The following PAN3 variants were observed in gnomAD, a reference collection of about 807,000 sequenced individuals.
The protein encoded by PAN3 is PAN2-PAN3 deadenylation complex subunit PAN3.
In PAN3, 19 loss-of-function variants were observed where a neutral mutation model predicts 96.2. The ratio of observed to expected loss-of-function variants is 0.20; its 90% CI spans 0.14 to 0.29. The LOEUF is 0.29. Among genes scored for constraint, PAN3 ranks in the 10% least tolerant of loss-of-function variants. The pLI is 1.00. For synonymous variants in PAN3, 433 were observed against 406.6 expected, an observed-to-expected ratio of 1.06 and a Z score of -0.78; for missense variants, 882 against 1,108.1, an observed-to-expected ratio of 0.80 and a Z score of 2.90.
chr13:28,246,927 T>C (rs1884249164), intron 6 of PAN3, among the ~76,000 whole-genome samples: 1 of 152,216 alleles, frequency 6.6e-6, no homozygotes, highest in Non-Finnish European at 1.5e-5. Context: ...CTTTTCTTTG[T>C]ATAAACCCAG....
chr13:28,219,838 A>T (rs1055892419), intron 5 of PAN3, among the ~76,000 whole-genome samples: 6 of 152,240 alleles, frequency 3.9e-5, no homozygotes, highest in African/African-American at 1.4e-4. Flanking sequence ...TTAATTTTGG[A>T]AGAAAGGCAG....
intron 5 of PAN3, among the ~76,000 whole-genome samples, chr13:28,203,756 C>T (rs17086376): frequency 0.015 from 2,250 of 151,338 alleles, 31 homozygotes; most frequent in Middle Eastern, 0.038. Flanking sequence ...TTAATTACCT[C>T]TTGACAGTGT....
chr13:28,214,792 C>T (rs1174011506), intron 5 of PAN3: 22 of 607,938 alleles, frequency 3.6e-5, no homozygotes, highest in South Asian at 3.5e-4. Flanking sequence ...ATTGATGCCC[C>T]AGGACACAGA....
chr13:28,254,933 T>G (rs924242283), intron 6 of PAN3, among the ~76,000 whole-genome samples: 2 of 152,110 alleles, frequency 1.3e-5, no homozygotes, highest in Admixed American at 6.5e-5. Flanking sequence ...CCTACCTACT[T>G]TAGTTGCTCA....
intron 6 of PAN3, among the ~76,000 whole-genome samples, chr13:28,229,626 G>A (rs945678162): frequency 4.6e-5 from 7 of 152,150 alleles, no homozygotes; most frequent in Non-Finnish European, 1.0e-4. Flanking sequence ...TCTTTCTCTT[G>A]CTTCTGAGTC....
In PAN3 at chr13:28,177,898, A is replaced by T; in HGVS notation, c.653A>T (p.Asn218Ile). Residue 218 changes from asparagine to isoleucine, a missense_variant, in exon 4 of 19, where the codon AAT becomes ATT. Transcript: ENST00000380958. ...ACATCACCTGCTTCATCCTTGTTTA[A>T]TGACTTTGGTGCCCTCAACATCTCT... ...PLTSPASSLF[N>I]DFGALNISQR... 1 of 1,613,266 alleles carries T rather than the reference A, an allele frequency of 6.2e-7. No individual in the cohort carries two copies. Among genetic ancestry groups the T allele is most frequent in the Admixed American group, 1.7e-5 (1 of 59,968 alleles).
At chr13:28,144,976 C>G (rs550694971) in intron 1 of PAN3, among the ~76,000 whole-genome samples, 1 of 152,098 alleles carries the variant, frequency 6.6e-6, no homozygotes, top group Admixed American at 6.5e-5. Context: ...CCTCAGCCTC[C>G]GAAAGCGCTG....
At chr13:28,281,577 A>G (rs1308892016) in intron 17 of PAN3, among the ~76,000 whole-genome samples, 198 bp downstream of exon 17, 5 of 152,156 alleles carry the variant, frequency 3.3e-5, no homozygotes. Context: ...ACACACATGT[A>G]TACACACAGA....
At chr13:28,152,809 T>A (rs1169468401) in intron 1 of PAN3, among the ~76,000 whole-genome samples, 2 of 152,182 alleles carry the variant, frequency 1.3e-5, no homozygotes, top group Admixed American at 1.3e-4. Flanking sequence ...TAAAAGTTCC[T>A]AACAAGTGAA....
At chr13:28,214,093 G>GA (rs963706237) in intron 5 of PAN3, among the ~76,000 whole-genome samples, 45 of 148,254 alleles carry the variant, frequency 3.0e-4, no homozygotes, top group Middle Eastern at 3.5e-3. Flanking sequence ...GTCTCCAAAA[G>GA]AAAAAAAAAT....
chr13:28,259,563 C>T (rs948937930), intron 7 of PAN3, among the ~76,000 whole-genome samples: 4 of 151,824 alleles, frequency 2.6e-5, no homozygotes. Context: ...CCATGTTGGC[C>T]AGGCTGGCTC....
chr13:28,215,936 T>C lies in PAN3; in HGVS notation c.853-4295T>C. The C allele has an allele frequency of 1.8e-6, 2 of 1,112,242 alleles. 1 individual carries two copies. Among genetic ancestry groups the C allele is most frequent in the South Asian group, 2.5e-5 (2 of 80,584 alleles). The allele number at this position is 1,112,242 out of a possible 1,614,324, so 68.9% of individuals were successfully genotyped here. A position where few individuals can be genotyped will look rare whatever the true frequency, so the allele number is the denominator to read the frequency against. ...TACCTGCCACTCTAGTCTTAATCAGTGGTGGAAGAATGGTCTCAGGACTGT... is the reference window on the plus strand; with the variant it reads ...TACCTGCCACTCTAGTCTTAATCAGCGGTGGAAGAATGGTCTCAGGACTGT... On this transcript the variant is annotated intron_variant, in intron 5 of 18. Transcript: ENST00000380958.
chr13:28,191,195 T>C (rs557170784), intron 4 of PAN3, among the ~76,000 whole-genome samples: 4 of 152,188 alleles, frequency 2.6e-5, no homozygotes, highest in Non-Finnish European at 5.9e-5. Context: ...TCCCTTAAAA[T>C]TGTGTTTGCC....
chr13:28,294,242 A>G lies in PAN3; in HGVS notation c.*1720A>G, dbSNP rs536259172. On this transcript the variant is annotated 3_prime_UTR_variant, in exon 19 of 19. Transcript: ENST00000380958. ...GGATTTTAAAAGAATATAATGTTCA[A>G]TATTAAAAGGATAATTCACATTTGC... 5.2e-5 allele frequency: 8 copies of G among 152,794 alleles called. No individual in the cohort carries two copies. The highest frequency in any genetic ancestry group is 3.4e-3 in the Middle Eastern group (1 of 294). 9.5% of individuals were successfully genotyped at this position (152,794 alleles called of 1,614,324 possible).
chr13:28,215,161 T>C, intron 5 of PAN3: 1 of 721,422 alleles, frequency 1.4e-6, no homozygotes, highest in Non-Finnish European at 2.6e-6. Context: ...GGATGGAAAG[T>C]CACCCATAAA....
chr13:28,241,437 C>T (rs997046847), intron 6 of PAN3, among the ~76,000 whole-genome samples: 8 of 152,116 alleles, frequency 5.3e-5, no homozygotes, highest in African/African-American at 1.4e-4. Context: ...AAATACCTTC[C>T]TTAAACTCAG....
At chr13:28,206,743 T>C (rs183746251) in intron 5 of PAN3, among the ~76,000 whole-genome samples, 3 of 152,130 alleles carry the variant, frequency 2.0e-5, no homozygotes, top group Non-Finnish European at 4.4e-5. Flanking sequence ...AGTGGGTTTT[T>C]TTTTTTTGTA....
intron 1 of PAN3, among the ~76,000 whole-genome samples, chr13:28,143,920 C>G (rs1411073373): frequency 6.6e-6 from 1 of 152,132 alleles, no homozygotes; most frequent in Non-Finnish European, 1.5e-5. Context: ...CCTTTTCATC[C>G]CACAAACCTA....
chr13:28,177,809 A>G (rs1242023997), intron 3 of PAN3, 56 bp from the exon 4 acceptor site: 15 of 1,386,260 alleles, frequency 1.1e-5, no homozygotes, highest in Non-Finnish European at 1.5e-5. Flanking sequence ...AACAGTTATT[A>G]GATTTGCGGG....
Sources: gnomAD v4.1 joint callset for allele counts (sites outside exome capture counted in the v4.1 genomes callset) on GRCh38, gnomAD v4.1.1 for gene constraint, MANE v1.5 for transcripts, NCBI Gene and HGNC (gene_info 2026-07-23, HGNC 2026-07-21) for gene names.